Variants in CETN1 observed in about 807,000 individuals in gnomAD.
CETN1 encodes centrin-1.
Under a neutral mutation model 8.1 loss-of-function variants are expected in CETN1, and 6 were observed. The observed-to-expected ratio is 0.74, with a 90% CI of 0.40 to 1.46. CETN1 has a LOEUF of 1.46. CETN1 is among the 40% of genes most tolerant of loss of function. The probability of loss-of-function intolerance (pLI) is 0.02; values close to 1 mark genes in which losing one functional copy is unlikely to be tolerated. For synonymous variants in CETN1, 99 were observed against 90.3 expected (o/e 1.10, Z -0.55); for missense variants, 215 against 226.2 (o/e 0.95, Z 0.32).
Position 580,558 on chromosome 18 carries a change from G to A in CETN1, c.150G>A (p.Ala50=), listed in dbSNP as rs1388207245. The change falls in exon 1 of 1, where the codon GCG becomes GCA. Residue 50 remains alanine (A), a synonymous_variant. Coordinates refer to ENST00000327228, the MANE Select transcript of CETN1 (RefSeq NM_004066.3). The surrounding 1 kb of genome is among the most constrained non-coding windows in gnomAD (Gnocchi z 6.1). ...FDVDGSGTID[A]KELKVAMRAL... is the part of the protein sequence containing the mutation. ...TGGACGGAAGTGGGACCATCGACGCGAAGGAGCTGAAGGTGGCCATGAGAG... is the reference window on the plus strand; with the variant it reads ...TGGACGGAAGTGGGACCATCGACGCAAAGGAGCTGAAGGTGGCCATGAGAG... 1.2e-6 allele frequency: 2 copies of A among 1,614,064 alleles called. No homozygotes were observed. Among genetic ancestry groups the A allele is most frequent in the South Asian group, 1.1e-5 (1 of 91,082 alleles).
At position 580,440 on chromosome 18, in the gene CETN1, C is replaced by T; in HGVS notation, c.32C>T (p.Ala11Val). MASGFKKPSAASTGQKRKVAP... is the reference protein window; with the variant it reads MASGFKKPSAVSTGQKRKVAP... ...TCCGGCTTCAAGAAGCCCAGCGCTG[C>T]CTCCACCGGCCAAAAGAGAAAGGTG... The change falls in exon 1 of 1, where the codon GCC becomes GTC. Residue 11 changes from alanine (A) to valine (V), a missense_variant. Coordinates refer to ENST00000327228, the MANE Select transcript of CETN1 (RefSeq NM_004066.3). The surrounding 1 kb of genome is among the most constrained non-coding windows in gnomAD (Gnocchi z 6.1). The T allele has an allele frequency of 6.3e-7, 1 of 1,593,102 alleles. No individual in the cohort carries two copies. The highest frequency in any genetic ancestry group is 1.1e-5 in the South Asian group (1 of 88,156).
In CETN1 at chr18:581,473, T is replaced by A. The variant is rs2072550238; in HGVS notation, c.*546T>A. ...CTTATAAAGAATAGACTTGCTTGGG[T>A]GGTAGTACGTTGTGCAATTTTGACT... On this transcript the variant is annotated 3_prime_UTR_variant, in exon 1 of 1. Coordinates refer to ENST00000327228, the MANE Select transcript of CETN1 (RefSeq NM_004066.3). The A allele has an allele frequency of 6.0e-6, 1 of 167,870 alleles. No homozygotes were observed. Among genetic ancestry groups the A allele is most frequent in the African/African-American group, 2.4e-5 (1 of 41,424 alleles). 10.4% of individuals were successfully genotyped at this position (167,870 alleles called of 1,614,324 possible).
Position 581,047 on chromosome 18 carries a change from A to C in CETN1, c.*120A>C. The C allele has an allele frequency of 9.8e-7, 1 of 1,021,286 alleles. No homozygotes were observed. Among genetic ancestry groups the C allele is most frequent in the Non-Finnish European group, 1.4e-6 (1 of 699,448 alleles). 63.3% of individuals were successfully genotyped at this position (1,021,286 alleles called of 1,614,324 possible). A position where few individuals can be genotyped will look rare whatever the true frequency, so the allele number is the denominator to read the frequency against. ...TCACCCCCATAATTTGTCTAGATCT[A>C]TTTCCATATCTCTAGTTCAATAATA... On this transcript the variant is annotated 3_prime_UTR_variant, in exon 1 of 1. Transcript: ENST00000327228.
chr18:580,419 G>T lies in CETN1; in HGVS notation c.11G>T (p.Gly4Val). 2 of 1,563,002 alleles carry T rather than the reference G, an allele frequency of 1.3e-6. No homozygotes were observed. Among genetic ancestry groups the T allele is most frequent in the East Asian group, 4.8e-5 (2 of 41,288 alleles). Reference protein sequence around the residue: MASGFKKPSAASTG... With the variant: MASVFKKPSAASTG... The stretch of plus-strand genomic sequence containing the variant: ...GGCCAGAGCGGCAGGATGGCTTCCG[G>T]CTTCAAGAAGCCCAGCGCTGCCTCC... Residue 4 changes from glycine to valine, a missense_variant, in exon 1 of 1, where the codon GGC becomes GTC. Gly to Val is a moderately radical substitution (Grantham distance 109). Coordinates refer to ENST00000327228, the MANE Select transcript of CETN1 (RefSeq NM_004066.3). The surrounding 1 kb of genome is among the most constrained non-coding windows in gnomAD (Gnocchi z 6.1).
Position 581,125 on chromosome 18 carries a change from A to C in CETN1, c.*198A>C, listed in dbSNP as rs1369990087. The C allele has an allele frequency of 1.6e-6, 1 of 622,398 alleles. No homozygotes were observed. The highest frequency in any genetic ancestry group is 2.8e-6 in the Non-Finnish European group (1 of 360,102). The allele number at this position is 622,398 out of a possible 1,614,324, so 38.6% of individuals were successfully genotyped here. ...TTTTGGGTTTTAATTCTCAAGAGTCAACCTGGAGCACATGAGGTTAAACAA... is the reference window on the plus strand; with the variant it reads ...TTTTGGGTTTTAATTCTCAAGAGTCCACCTGGAGCACATGAGGTTAAACAA... On this transcript the variant is annotated 3_prime_UTR_variant, in exon 1 of 1. Transcript: ENST00000327228.
In CETN1 at chr18:580,585, G is replaced by C; in HGVS notation, c.177G>C (p.Ala59=). Residue 59 remains alanine, a synonymous_variant, in exon 1 of 1, where the codon GCG becomes GCC. Coordinates refer to ENST00000327228, the MANE Select transcript of CETN1 (RefSeq NM_004066.3). This position sits in a 1 kb window ranked among gnomAD's most constrained non-coding sequence, Gnocchi z 6.1. ...AGGAGCTGAAGGTGGCCATGAGAGC[G>C]CTGGGCTTCGAACCCAGGAAGGAAG... is the stretch of plus-strand genomic sequence containing the variant. ...DAKELKVAMR[A]LGFEPRKEEM... 6 of 1,614,188 alleles carry C rather than the reference G, an allele frequency of 3.7e-6. No individual in the cohort carries two copies. The highest frequency in any genetic ancestry group is 4.2e-6 in the Non-Finnish European group (5 of 1,180,016).
rs568365 is a variant in CETN1 at position 581,123 on chromosome 18, T to C, written c.*196T>C. On this transcript the variant is annotated 3_prime_UTR_variant, in exon 1 of 1. Coordinates refer to ENST00000327228, the MANE Select transcript of CETN1 (RefSeq NM_004066.3). ...AGTTTTGGGTTTTAATTCTCAAGAG[T>C]CAACCTGGAGCACATGAGGTTAAAC... The C allele has an allele frequency of 0.2, 125,531 of 638,504 alleles. 13,702 individuals carry two copies. Among genetic ancestry groups the C allele is most frequent in the African/African-American group, 0.33 (17,695 of 54,140 alleles). The allele number at this position is 638,504 out of a possible 1,614,324, so 39.6% of individuals were successfully genotyped here. A position where few individuals can be genotyped will look rare whatever the true frequency, so the allele number is the denominator to read the frequency against.
chr18:580,650 C>T lies in CETN1; in HGVS notation c.242C>T (p.Thr81Met), dbSNP rs2072544771. 6.8e-6 allele frequency: 11 copies of T among 1,614,020 alleles called. No individual in the cohort carries two copies. The highest frequency in any genetic ancestry group is 9.3e-6 in the Non-Finnish European group (11 of 1,180,016). ...KMISEVDREG[T>M]GKISFNDFLA... ...ATCTCCGAGGTGGACAGGGAAGGCA[C>T]GGGGAAGATCAGCTTCAATGACTTC... The change falls in exon 1 of 1, where the codon ACG becomes ATG. Residue 81 changes from threonine to methionine, a missense_variant. Transcript: ENST00000327228. This position sits in a 1 kb window ranked among gnomAD's most constrained non-coding sequence, Gnocchi z 6.1.
At position 580,625 on chromosome 18, in the gene CETN1, A is replaced by T. The variant is rs200221316; in HGVS notation, c.217A>T (p.Ile73Phe). The change falls in exon 1 of 1, where the codon ATC becomes TTC. Residue 73 changes from isoleucine (I) to phenylalanine (F), a missense_variant. Physicochemically the swap from Ile to Phe is conservative, Grantham distance 21 (BLOSUM62 0). Transcript: ENST00000327228. This position sits in a 1 kb window ranked among gnomAD's most constrained non-coding sequence, Gnocchi z 6.1. ...CAGGAAGGAAGAGATGAAGAAAATG[A>T]TCTCCGAGGTGGACAGGGAAGGCAC... The part of the protein sequence containing the change: ...EPRKEEMKKM[I>F]SEVDREGTGK... The T allele has an allele frequency of 6.2e-7, 1 of 1,614,004 alleles. No individual in the cohort carries two copies. Among genetic ancestry groups the T allele is most frequent in the Non-Finnish European group, 8.5e-7 (1 of 1,180,016 alleles).
Position 580,627 on chromosome 18 carries a change from C to G in CETN1, c.219C>G (p.Ile73Met). Reference sequence around the variant, plus strand: ...GGAAGGAAGAGATGAAGAAAATGATCTCCGAGGTGGACAGGGAAGGCACGG... The same window carrying G: ...GGAAGGAAGAGATGAAGAAAATGATGTCCGAGGTGGACAGGGAAGGCACGG... ...EPRKEEMKKM[I>M]SEVDREGTGK... Residue 73 changes from isoleucine (I) to methionine (M), a missense_variant, in exon 1 of 1, where the codon ATC (isoleucine) becomes ATG (methionine). By Grantham distance (10) the Ile-to-Met change is conservative. Coordinates refer to ENST00000327228, the MANE Select transcript of CETN1 (RefSeq NM_004066.3). The surrounding 1 kb of genome is among the most constrained non-coding windows in gnomAD (Gnocchi z 6.1). The G allele has an allele frequency of 6.2e-7, 1 of 1,614,130 alleles. No homozygotes were observed. The highest frequency in any genetic ancestry group is 8.5e-7 in the Non-Finnish European group (1 of 1,180,010).
Position 580,862 on chromosome 18 carries a change from G to A in CETN1, c.454G>A (p.Asp152Asn), listed in dbSNP as rs373156464. Residue 152 changes from aspartate (D) to asparagine (N), a missense_variant, in exon 1 of 1, where the codon GAT becomes AAT. By Grantham distance (23) the Asp-to-Asn change is conservative (BLOSUM62 1). Coordinates refer to ENST00000327228, the MANE Select transcript of CETN1 (RefSeq NM_004066.3). The surrounding 1 kb of genome is among the most constrained non-coding windows in gnomAD (Gnocchi z 6.1). ...GGAGATGATCGACGAAGCTGATCGG[G>A]ATGGGGACGGCGAAGTGAACGAGGA... ...LQEMIDEADR[D>N]GDGEVNEEEF... 3 of 1,614,022 alleles carry A rather than the reference G, an allele frequency of 1.9e-6. No homozygotes were observed. Among genetic ancestry groups the A allele is most frequent in the Non-Finnish European group, 2.5e-6 (3 of 1,180,034 alleles).
rs750865589 is a variant in CETN1 at position 580,763 on chromosome 18, G to A, written c.355G>A (p.Gly119Arg). Residue 119 changes from glycine (G) to arginine (R), a missense_variant, in exon 1 of 1, where the codon GGG becomes AGG. Coordinates refer to ENST00000327228, the MANE Select transcript of CETN1 (RefSeq NM_004066.3). The surrounding 1 kb of genome is among the most constrained non-coding windows in gnomAD (Gnocchi z 6.1). The stretch of plus-strand genomic sequence containing the variant: ...CAGGCTCTTTGATGACGATGAGACC[G>A]GGAAGATCTCGTTCAAAAACCTGAA... ...AFRLFDDDET[G>R]KISFKNLKRV... The A allele has an allele frequency of 1.9e-6, 3 of 1,613,990 alleles. No individual in the cohort carries two copies. The highest frequency in any genetic ancestry group is 2.5e-6 in the Non-Finnish European group (3 of 1,180,024).
At position 580,662 on chromosome 18, in the gene CETN1, G is replaced by C. The variant is rs201239078; in HGVS notation, c.254G>C (p.Ser85Thr). 1.9e-6 allele frequency: 3 copies of C among 1,614,056 alleles called. No individual in the cohort carries two copies. The South Asian group carries it at 3.3e-5, about 18-fold the overall frequency. The change falls in exon 1 of 1, where the codon AGC becomes ACC. Residue 85 changes from serine to threonine, a missense_variant. Transcript: ENST00000327228. The surrounding 1 kb of genome is among the most constrained non-coding windows in gnomAD (Gnocchi z 6.1). ...EVDREGTGKISFNDFLAVMTQ... is the reference protein window; with the variant it reads ...EVDREGTGKITFNDFLAVMTQ... ...GACAGGGAAGGCACGGGGAAGATCA[G>C]CTTCAATGACTTCCTGGCCGTGATG...
Position 580,665 on chromosome 18 carries a change from T to C in CETN1, c.257T>C (p.Phe86Ser). 1.2e-6 allele frequency: 2 copies of C among 1,613,972 alleles called. No homozygotes were observed. The highest frequency in any genetic ancestry group is 1.7e-6 in the Non-Finnish European group (2 of 1,180,004). Residue 86 changes from phenylalanine (F) to serine (S), a missense_variant, in exon 1 of 1, where the codon TTC becomes TCC. Physicochemically the swap from Phe to Ser is radical, Grantham distance 155. Coordinates refer to ENST00000327228, the MANE Select transcript of CETN1 (RefSeq NM_004066.3). The surrounding 1 kb of genome is among the most constrained non-coding windows in gnomAD (Gnocchi z 6.1). ...AGGGAAGGCACGGGGAAGATCAGCT[T>C]CAATGACTTCCTGGCCGTGATGACG... ...VDREGTGKISFNDFLAVMTQK... is the reference protein window; with the variant it reads ...VDREGTGKISSNDFLAVMTQK...
rs2072545836 is a variant in CETN1 at position 580,784 on chromosome 18, CT to C, written c.377del (p.Leu126ArgfsTer20). The part of the protein sequence containing the change: ...DETGKISFKN[L>X]KRVANELGEN... Reference sequence around the variant, plus strand: ...GACCGGGAAGATCTCGTTCAAAAACCTGAAGCGTGTGGCCAACGAGCTGGGG... The same window carrying C: ...GACCGGGAAGATCTCGTTCAAAAACCGAAGCGTGTGGCCAACGAGCTGGGG... On this transcript the variant is annotated frameshift_variant, in exon 1 of 1. Coordinates refer to ENST00000327228, the MANE Select transcript of CETN1 (RefSeq NM_004066.3). LOFTEE classifies it high-confidence loss of function. This position sits in a 1 kb window ranked among gnomAD's most constrained non-coding sequence, Gnocchi z 6.1. 5.6e-6 allele frequency: 9 copies of C among 1,614,022 alleles called. No homozygotes were observed. Among genetic ancestry groups the C allele is most frequent in the Non-Finnish European group, 7.6e-6 (9 of 1,180,010 alleles).
Position 581,228 on chromosome 18 carries a change from C to A in CETN1, c.*301C>A. On this transcript the variant is annotated 3_prime_UTR_variant, in exon 1 of 1. Transcript: ENST00000327228. ...TTCATCTGTTGATCTGGAGGCAGGA[C>A]AGCTTCTGGGACACACAAAAATGTG... 3.4e-6 allele frequency: 1 copy of A among 295,672 alleles called. No individual in the cohort carries two copies. Among genetic ancestry groups the A allele is most frequent in the Non-Finnish European group, 6.7e-6 (1 of 150,338 alleles). 18.3% of individuals were successfully genotyped at this position (295,672 alleles called of 1,614,324 possible). A position where few individuals can be genotyped will look rare whatever the true frequency, so the allele number is the denominator to read the frequency against.
Position 580,985 on chromosome 18 carries a change from T to A in CETN1, c.*58T>A. Reference sequence around the variant, plus strand: ...TTGCCTGCTTCCATTTTGTGAAACCTTAGAGGACAGCGGCTGCCTGTCCCT... The same window carrying A: ...TTGCCTGCTTCCATTTTGTGAAACCATAGAGGACAGCGGCTGCCTGTCCCT... On this transcript the variant is annotated 3_prime_UTR_variant, in exon 1 of 1. Coordinates refer to ENST00000327228, the MANE Select transcript of CETN1 (RefSeq NM_004066.3). The surrounding 1 kb of genome is among the most constrained non-coding windows in gnomAD (Gnocchi z 6.1). 7.1e-6 allele frequency: 11 copies of A among 1,544,208 alleles called. No homozygotes were observed. The South Asian group carries it at 1.4e-4, about 20-fold the overall frequency.
In CETN1 at chr18:580,965, T is replaced by G. The variant is rs1418952552; in HGVS notation, c.*38T>G. The G allele has an allele frequency of 6.4e-7, 1 of 1,567,032 alleles. No individual in the cohort carries two copies. The highest frequency in any genetic ancestry group is 1.9e-5 in the Admixed American group (1 of 53,832). On this transcript the variant is annotated 3_prime_UTR_variant, in exon 1 of 1. Coordinates refer to ENST00000327228, the MANE Select transcript of CETN1 (RefSeq NM_004066.3). This position sits in a 1 kb window ranked among gnomAD's most constrained non-coding sequence, Gnocchi z 6.1. ...AGCTAAAGTGACTCTCTGGGTTGCC[T>G]GCTTCCATTTTGTGAAACCTTAGAG... is the stretch of plus-strand genomic sequence containing the variant.
rs1297414266 is a variant in CETN1, at chr18:580,733, G to A, written c.325G>A (p.Ala109Thr). ...GGACACCAAAGAAGAAATCCTGAAG[G>A]CCTTCAGGCTCTTTGATGACGATGA... ...EKDTKEEILK[A>T]FRLFDDDETG... Residue 109 changes from alanine to threonine, a missense_variant, in exon 1 of 1, where the codon GCC becomes ACC. Transcript: ENST00000327228. This position sits in a 1 kb window ranked among gnomAD's most constrained non-coding sequence, Gnocchi z 6.1. 3 of 1,613,732 alleles carry A rather than the reference G, an allele frequency of 1.9e-6. No homozygotes were observed. The highest frequency in any genetic ancestry group is 2.7e-5 in the African/African-American group (2 of 74,868).
Sources: allele counts gnomAD v4.1 joint callset, GRCh38; gene constraint gnomAD v4.1.1; non-coding constraint Gnocchi (gnomAD v3.1); transcripts MANE v1.5; gene names NCBI Gene and HGNC (gene_info 2026-07-23, HGNC 2026-07-21).